The following GNA14 variants were observed in gnomAD, a reference collection of about 807,000 sequenced individuals.
The protein encoded by GNA14 is guanine nucleotide-binding protein subunit alpha-14.
GNA14 carries 50 observed loss-of-function variants against 42.0 expected under a neutral mutation model. The ratio of observed to expected loss-of-function variants is 1.19; its 90% CI spans 0.95 to 1.51. GNA14 has a LOEUF of 1.51. Ranked by LOEUF, GNA14 falls within the 40% of genes most tolerant of loss-of-function variation. The probability of loss-of-function intolerance (pLI) is 0.00; values close to 1 mark genes in which losing one functional copy is unlikely to be tolerated. For synonymous variants in GNA14, 173 were observed against 163.1 expected, an observed-to-expected ratio of 1.06 and a Z score of -0.46; for missense variants, 473 against 446.2, an observed-to-expected ratio of 1.06 and a Z score of -0.54.
intron 2 of GNA14, among the ~76,000 whole-genome samples, chr9:77,448,070 C>T (rs1835850954): frequency 6.6e-6 from 1 of 152,208 alleles, no homozygotes; most frequent in Non-Finnish European, 1.5e-5. Flanking sequence ...CCACATCCAG[C>T]AGACTGCCTG....
intron 2 of GNA14, among the ~76,000 whole-genome samples, chr9:77,474,732 A>C (rs1836389766): frequency 6.6e-6 from 1 of 152,230 alleles, no homozygotes; most frequent in Non-Finnish European, 1.5e-5. Context: ...ATAGCCAAAA[A>C]GTGGAAACAA....
At chr9:77,641,709 C>A (rs952974344) in intron 1 of GNA14, among the ~76,000 whole-genome samples, 2 of 152,094 alleles carry the variant, frequency 1.3e-5, no homozygotes, top group African/African-American at 2.4e-5. Flanking sequence ...TCCTCTGGAC[C>A]CTGTACTGGA....
intron 1 of GNA14, among the ~76,000 whole-genome samples, chr9:77,626,691 G>A (rs994233273): frequency 6.6e-6 from 1 of 151,862 alleles, no homozygotes; most frequent in Non-Finnish European, 1.5e-5. Context: ...TGAAAGCAAT[G>A]AGTACACACA....
intron 2 of GNA14, among the ~76,000 whole-genome samples, chr9:77,460,770 C>T (rs111820959): frequency 0.014 from 2,140 of 152,202 alleles, 23 homozygotes; most frequent in South Asian, 0.027. Flanking sequence ...AAGGGTGTGC[C>T]CAAGAATGAA....
intron 1 of GNA14, among the ~76,000 whole-genome samples, chr9:77,576,887 A>G (rs1236347421): frequency 6.6e-6 from 1 of 152,204 alleles, no homozygotes; most frequent in African/African-American, 2.4e-5. Context: ...CATTATGAAA[A>G]TATGAGCCTC....
chr9:77,575,674 T>C (rs1823117282), intron 1 of GNA14, among the ~76,000 whole-genome samples: 1 of 152,216 alleles, frequency 6.6e-6, no homozygotes, highest in Admixed American at 6.5e-5. Flanking sequence ...GCAGTTAAGG[T>C]TGACAAGTTC....
chr9:77,433,260 G>T (rs1257570941), intron 3 of GNA14, among the ~76,000 whole-genome samples: 1 of 152,224 alleles, frequency 6.6e-6, no homozygotes, highest in Non-Finnish European at 1.5e-5. Flanking sequence ...TACGGGACAG[G>T]TGTGAAAGAG....
At chr9:77,644,646 CTG>C (rs1185094863) in intron 1 of GNA14, among the ~76,000 whole-genome samples, 7 of 152,098 alleles carry the variant, frequency 4.6e-5, no homozygotes, top group African/African-American at 1.7e-4. Context: ...GCCTCCCAGT[CTG>C]TGGTATTTTG....
chr9:77,535,308 G>A (rs553454499), intron 1 of GNA14, among the ~76,000 whole-genome samples: 1 of 152,208 alleles, frequency 6.6e-6, no homozygotes, highest in Non-Finnish European at 1.5e-5. Flanking sequence ...GGAGGCGGAG[G>A]CGGAGGCGGG....
rs562948979 is a variant in GNA14 at position 77,552,695 on chromosome 9, T to C, written c.125-23442A>G. On this transcript the variant is annotated intron_variant, in intron 1 of 6. Transcript: ENST00000341700. Reference sequence around the variant, plus strand: ...CCTCTTCCAGAAGGACCTACCGTTGTAGCCTTCACAACATCAGAGAAACAA... The same window carrying C: ...CCTCTTCCAGAAGGACCTACCGTTGCAGCCTTCACAACATCAGAGAAACAA... 5.8e-4 allele frequency among the ~76,000 whole-genome samples: 89 copies of C among 152,354 alleles called. 1 individual carries two copies. The highest frequency in any genetic ancestry group is 3.4e-3 in the Middle Eastern group (1 of 294).
At chr9:77,522,821 C>A (rs1388053257) in intron 2 of GNA14, among the ~76,000 whole-genome samples, 1 of 152,142 alleles carries the variant, frequency 6.6e-6, no homozygotes, top group Admixed American at 6.5e-5. Flanking sequence ...TGTTCTAGTG[C>A]CTGATAAACC....
intron 1 of GNA14, among the ~76,000 whole-genome samples, chr9:77,571,832 T>C (rs1053009465): frequency 6.6e-6 from 1 of 152,098 alleles, no homozygotes; most frequent in Non-Finnish European, 1.5e-5. Context: ...GTGTAAAATA[T>C]CTCATTAATT....
At chr9:77,451,147 T>A (rs1023015136) in intron 2 of GNA14, among the ~76,000 whole-genome samples, 1 of 152,168 alleles carries the variant, frequency 6.6e-6, no homozygotes, top group African/African-American at 2.4e-5. Context: ...CAGACTAGCT[T>A]CCTTCAAGAG....
At chr9:77,597,427 A>G (rs1564062722) in intron 1 of GNA14, among the ~76,000 whole-genome samples, 1 of 152,162 alleles carries the variant, frequency 6.6e-6, no homozygotes. Context: ...GTATAACGTT[A>G]AAGACAAAAC....
intron 2 of GNA14, among the ~76,000 whole-genome samples, chr9:77,472,662 C>G (rs958834754): frequency 6.6e-6 from 1 of 152,084 alleles, no homozygotes; most frequent in Non-Finnish European, 1.5e-5. Context: ...AATGTTGAAG[C>G]CCTAAGCCCT....
intron 1 of GNA14, among the ~76,000 whole-genome samples, chr9:77,601,732 A>G (rs931108028): frequency 6.6e-6 from 1 of 152,198 alleles, no homozygotes; most frequent in Non-Finnish European, 1.5e-5. Flanking sequence ...GTTGTCTGGG[A>G]CAACATAGGT....
chr9:77,460,440 G>A (rs1184473855), intron 2 of GNA14, among the ~76,000 whole-genome samples: 1 of 152,242 alleles, frequency 6.6e-6, no homozygotes, highest in Non-Finnish European at 1.5e-5. Context: ...ATTTCTGACT[G>A]CTGGCCTCCT....
chr9:77,580,388 G>C (rs1041072096), intron 1 of GNA14: 6 of 314,382 alleles, frequency 1.9e-5, no homozygotes, highest in African/African-American at 1.3e-4. Context: ...AATGACAGGG[G>C]AAAGCTGCCA....
At chr9:77,524,635 C>T (rs533708187) in intron 2 of GNA14, among the ~76,000 whole-genome samples, 69 of 152,252 alleles carry the variant, frequency 4.5e-4, no homozygotes, top group Non-Finnish European at 8.2e-4. Flanking sequence ...TCACTGAATA[C>T]GACTGAATCA....
Sources: allele counts gnomAD v4.1 joint callset (sites outside exome capture counted in the v4.1 genomes callset), GRCh38; gene constraint gnomAD v4.1.1; transcripts MANE v1.5; gene names NCBI Gene and HGNC (gene_info 2026-07-23, HGNC 2026-07-21).